Variants in SAMD12 observed in about 807,000 individuals in gnomAD.
SAMD12 encodes the protein sterile alpha motif domain-containing protein 12.
SAMD12 carries 9 observed loss-of-function variants against 15.0 expected under a neutral mutation model. The observed-to-expected ratio is 0.60, with a 90% CI of 0.36 to 1.05. The LOEUF is 1.05. SAMD12 is among the 50% of genes least tolerant of loss of function. SAMD12 has a pLI of 0.01. For synonymous variants in SAMD12, 86 were observed against 90.1 expected (o/e 0.96, Z 0.25); for missense variants, 230 against 234.2 (o/e 0.98, Z 0.12).
intron 1 of SAMD12, 59 bp downstream of exon 1, chr8:118,621,745 G>A: frequency 6.3e-7 from 1 of 1,592,450 alleles, no homozygotes. Context: ...CATCGGGGAT[G>A]TGTGCCTTGG....
intron 4 of SAMD12, among the ~76,000 whole-genome samples, chr8:118,234,756 A>T (rs1478353824): frequency 6.6e-6 from 1 of 152,006 alleles, no homozygotes; most frequent in Admixed American, 6.6e-5. Flanking sequence ...GAAGCAATAA[A>T]TAATACAAAT....
chr8:118,132,492 C>T, the SAMD12 span, among the ~76,000 whole-genome samples: 5 of 152,164 alleles, frequency 3.3e-5, no homozygotes, highest in South Asian at 2.1e-4. Context: ...CAGAGCATTC[C>T]GAGCATTGGA....
chr8:118,135,672 A>T, the SAMD12 span, among the ~76,000 whole-genome samples: 1 of 152,080 alleles, frequency 6.6e-6, no homozygotes, highest in African/African-American at 2.4e-5. Context: ...CCTCCCAAGT[A>T]GCTGGGACCA....
chr8:118,469,665 T>G (rs1358632647), intron 2 of SAMD12, among the ~76,000 whole-genome samples: 6 of 142,566 alleles, frequency 4.2e-5, no homozygotes, highest in Non-Finnish European at 7.5e-5. Flanking sequence ...CAAGTTCAAG[T>G]GATTCTCCTG....
At chr8:118,580,204 T>C (rs147073646) in intron 2 of SAMD12, among the ~76,000 whole-genome samples, 3,983 of 152,306 alleles carry the variant, frequency 0.026, 62 homozygotes, top group Middle Eastern at 0.071. Flanking sequence ...GGGAGATACA[T>C]GCATATTTAA....
At chr8:118,214,300 T>C (rs1390465488) in intron 4 of SAMD12, among the ~76,000 whole-genome samples, 1 of 152,240 alleles carries the variant, frequency 6.6e-6, no homozygotes, top group Non-Finnish European at 1.5e-5. Flanking sequence ...AATGTCACTT[T>C]AGACAGACAC....
At chr8:118,559,214 TC>T (rs990463469) in intron 2 of SAMD12, among the ~76,000 whole-genome samples, 2 of 152,058 alleles carry the variant, frequency 1.3e-5, no homozygotes, top group Admixed American at 6.5e-5. Flanking sequence ...GACCCTTTTT[TC>T]CCCCCTACCT....
chr8:118,475,784 T>G (rs367804592), intron 2 of SAMD12, among the ~76,000 whole-genome samples: 4 of 152,358 alleles, frequency 2.6e-5, no homozygotes, highest in African/African-American at 9.6e-5. Flanking sequence ...AATCTTGTTT[T>G]GGGCTTAAGA....
intron 4 of SAMD12, among the ~76,000 whole-genome samples, chr8:118,367,240 C>T (rs191475625): frequency 2.7e-4 from 41 of 152,188 alleles, no homozygotes; most frequent in Non-Finnish European, 4.6e-4. Flanking sequence ...ACACAGATGG[C>T]ATATTTTTCT....
intron 4 of SAMD12, among the ~76,000 whole-genome samples, chr8:118,202,155 G>A (rs1236574791): frequency 7.6e-6 from 1 of 132,000 alleles, no homozygotes; most frequent in Non-Finnish European, 1.7e-5. Context: ...AAAGCATTTT[G>A]CGTGGTGTTT....
At chr8:118,203,408 C>T (rs931619549) in intron 4 of SAMD12, among the ~76,000 whole-genome samples, 3 of 127,096 alleles carry the variant, frequency 2.4e-5, no homozygotes, top group Admixed American at 1.5e-4. Context: ...GTGTGTGTGT[C>T]GAGGGAGAGG....
At chr8:118,370,301 T>C (rs901830800) in intron 4 of SAMD12, among the ~76,000 whole-genome samples, 1 of 152,156 alleles carries the variant, frequency 6.6e-6, no homozygotes, top group Non-Finnish European at 1.5e-5. Context: ...CTGGTGAGGT[T>C]GTGGAGAGAC....
At chr8:118,233,000 G>C (rs1162182690) in intron 4 of SAMD12, among the ~76,000 whole-genome samples, 1 of 152,164 alleles carries the variant, frequency 6.6e-6, no homozygotes, top group African/African-American at 2.4e-5. Flanking sequence ...AAACCGATCA[G>C]AGCATTTGGC....
At chr8:118,474,625 G>T (rs1031835288) in intron 2 of SAMD12, among the ~76,000 whole-genome samples, 4 of 151,974 alleles carry the variant, frequency 2.6e-5, no homozygotes, top group African/African-American at 9.7e-5. Context: ...GACCTCAGGT[G>T]ATCCATTTGC....
Position 118,331,836 on chromosome 8 carries a change from G to A in SAMD12, c.433+47724C>T, listed in dbSNP as rs149858321. Among the ~76,000 whole-genome samples the A allele has an allele frequency of 2.7e-3, 417 of 152,332 alleles. 1 individual carries two copies. Among genetic ancestry groups the A allele is most frequent in the African/African-American group, 9.6e-3 (398 of 41,566 alleles). ...GAGGTTGAGGTGGTATTCGTGGGAA[G>A]CTGGAGGAGGAAAGTATGGTAATTT... On this transcript the variant is annotated intron_variant, in intron 4 of 4. Transcript: ENST00000409003.
intron 4 of SAMD12, among the ~76,000 whole-genome samples, chr8:118,285,509 C>T (rs888179045): frequency 1.3e-5 from 2 of 152,164 alleles, no homozygotes; most frequent in South Asian, 4.1e-4. Context: ...ACAGTCTTCC[C>T]TAAAATGACC....
chr8:118,179,228 G>A, the SAMD12 span, among the ~76,000 whole-genome samples: 3 of 152,108 alleles, frequency 2.0e-5, no homozygotes, highest in African/African-American at 4.8e-5. Flanking sequence ...ACCTGAGGTC[G>A]GGAGTTTGAG....
At chr8:118,385,388 T>C (rs1389008648) in intron 3 of SAMD12, among the ~76,000 whole-genome samples, 1 of 152,170 alleles carries the variant, frequency 6.6e-6, no homozygotes. Flanking sequence ...CTTAATTTTA[T>C]AGTAGCCTGC....
At chr8:118,430,313 A>AT (rs1203523226) in intron 3 of SAMD12, among the ~76,000 whole-genome samples, 1 of 151,476 alleles carries the variant, frequency 6.6e-6, no homozygotes, top group Non-Finnish European at 1.5e-5. Context: ...AAGAGTGCAA[A>AT]TGTTTAGAAT....
Sources: allele counts gnomAD v4.1 joint callset (sites outside exome capture counted in the v4.1 genomes callset), GRCh38; gene constraint gnomAD v4.1.1; transcripts MANE v1.5; gene names NCBI Gene and HGNC (gene_info 2026-07-23, HGNC 2026-07-21).